The following ZNF440 variants were observed in gnomAD, a reference collection of about 807,000 sequenced individuals.
The protein encoded by ZNF440 is zinc finger protein 440.
Under a neutral mutation model 49.7 loss-of-function variants are expected in ZNF440, and 47 were observed. That is an observed-to-expected ratio of 0.95 (90% CI 0.75 to 1.21). The LOEUF is 1.21. ZNF440 is among the 50% of genes most tolerant of loss of function. The pLI is 0.00. For synonymous variants in ZNF440, 255 were observed against 237.7 expected, an observed-to-expected ratio of 1.07 and a Z score of -0.67; for missense variants, 703 against 715.0, an observed-to-expected ratio of 0.98 and a Z score of 0.19.
rs533621791 is a variant in ZNF440, at chr19:11,818,957, G to A, written c.3+4507G>A. On this transcript the variant is annotated intron_variant, in intron 1 of 3. Coordinates refer to ENST00000304060, the MANE Select transcript of ZNF440 (RefSeq NM_152357.3). ...CATTCCAGCTGAAGACAGTGTGATA[G>A]CCATGAAGTCTTTGTGTGAGAAAGT... Among the ~76,000 whole-genome samples, 15 of 152,234 alleles carry A rather than the reference G, an allele frequency of 9.9e-5. No homozygotes were observed. The East Asian group carries it at 2.7e-3, about 27-fold the overall frequency.
rs150155929 is a variant in ZNF440, at chr19:11,832,207, T to C, written c.1031T>C (p.Ile344Thr). 427 of 1,614,128 alleles carry C rather than the reference T, an allele frequency of 2.6e-4. No individual in the cohort carries two copies. The East Asian group carries it at 9.0e-3, about 34-fold the overall frequency. ...GGAGAAAGACCTTATGAATGTAAGA[T>C]ATGTGGAAAAGACTTTTGTTCTGTG... Reference protein sequence around the residue: ...HSGERPYECKICGKDFCSVNS... With the variant: ...HSGERPYECKTCGKDFCSVNS... Residue 344 changes from isoleucine to threonine, a missense_variant, in exon 4 of 4, where the codon ATA (isoleucine) becomes ACA (threonine). Transcript: ENST00000304060.
chr19:11,820,004 G>A (rs193236245), intron 1 of ZNF440, among the ~76,000 whole-genome samples: 1 of 152,278 alleles, frequency 6.6e-6, no homozygotes, highest in African/African-American at 2.4e-5. Context: ...ACCACAGCCT[G>A]ACTCTTCAAG....
At position 11,833,165 on chromosome 19, in the gene ZNF440, C is replaced by A; in HGVS notation, c.*201C>A. 1 of 1,299,454 alleles carries A rather than the reference C, an allele frequency of 7.7e-7. No homozygotes were observed. Among genetic ancestry groups the A allele is most frequent in the Admixed American group, 2.1e-5 (1 of 48,230 alleles). 80.5% of individuals were successfully genotyped at this position (1,299,454 alleles called of 1,614,324 possible). Reference sequence around the variant, plus strand: ...TGGAGAGAACCCCTATGAGTGTAAGCAATTTGGGAAAGCCTTCAGATCTGT... The same window carrying A: ...TGGAGAGAACCCCTATGAGTGTAAGAAATTTGGGAAAGCCTTCAGATCTGT... On this transcript the variant is annotated 3_prime_UTR_variant, in exon 4 of 4. Coordinates refer to ENST00000304060, the MANE Select transcript of ZNF440 (RefSeq NM_152357.3).
intron 1 of ZNF440, among the ~76,000 whole-genome samples, chr19:11,819,210 T>G (rs1384591819): frequency 1.3e-5 from 2 of 152,096 alleles, no homozygotes; most frequent in Non-Finnish European, 2.9e-5. Context: ...TCTTTCCTGT[T>G]TTCCCTCAGT....
intron 1 of ZNF440, 171 bp from the exon 2 acceptor site, chr19:11,830,112 G>T: frequency 7.3e-7 from 1 of 1,363,614 alleles, no homozygotes; most frequent in African/African-American, 1.5e-5. Flanking sequence ...AAAAAAACAA[G>T]TTGCTTTGTG....
At chr19:11,820,378 G>A (rs1321446946) in intron 1 of ZNF440, among the ~76,000 whole-genome samples, 2 of 152,022 alleles carry the variant, frequency 1.3e-5, no homozygotes, top group Non-Finnish European at 2.9e-5. Context: ...CACCACGCCC[G>A]GCTAATTTTT....
intron 1 of ZNF440, among the ~76,000 whole-genome samples, chr19:11,818,200 G>A (rs973785651): frequency 3.3e-5 from 5 of 151,670 alleles, no homozygotes; most frequent in African/African-American, 1.2e-4. Context: ...GTGAAACTCT[G>A]TCTCAAAAAA....
At chr19:11,814,667 G>C (rs532982625) in intron 1 of ZNF440, among the ~76,000 whole-genome samples, 123 of 152,298 alleles carry the variant, frequency 8.1e-4, no homozygotes, top group Admixed American at 3.1e-3. Flanking sequence ...GCCTAATCTG[G>C]GCAGCTCCGC....
Position 11,831,889 on chromosome 19 carries a change from G to A in ZNF440, c.713G>A (p.Ser238Asn). 1 of 1,613,918 alleles carries A rather than the reference G, an allele frequency of 6.2e-7. No homozygotes were observed. The highest frequency in any genetic ancestry group is 8.5e-7 in the Non-Finnish European group (1 of 1,179,928). The part of the protein sequence containing the change: ...CECKQCGKSF[S>N]YSATHRIHKR... Reference sequence around the variant, plus strand: ...TGTAAACAGTGTGGTAAATCCTTTAGTTATTCTGCTACCCATCGAATACAT... The same window carrying A: ...TGTAAACAGTGTGGTAAATCCTTTAATTATTCTGCTACCCATCGAATACAT... The change falls in exon 4 of 4, where the codon AGT becomes AAT. Residue 238 changes from serine to asparagine, a missense_variant. Transcript: ENST00000304060.
Position 11,832,866 on chromosome 19 carries a change from C to T in ZNF440, c.1690C>T (p.His564Tyr), listed in dbSNP as rs777437358. 29 of 1,612,494 alleles carry T rather than the reference C, an allele frequency of 1.8e-5. No individual in the cohort carries two copies. The highest frequency in any genetic ancestry group is 2.3e-5 in the Non-Finnish European group (27 of 1,178,886). The change falls in exon 4 of 4, where the codon CAC (histidine) becomes TAC (tyrosine). Residue 564 changes from histidine (H) to tyrosine (Y), a missense_variant. Physicochemically the swap from His to Tyr is moderately conservative, Grantham distance 83. Coordinates refer to ENST00000304060, the MANE Select transcript of ZNF440 (RefSeq NM_152357.3). ...CCACACCTTTGAATACGTGGTAGGA[C>T]ACACAATGGAGAGAAGCCCTATGCA... ...LPHTFEYVVG[H>Y]TMERSPMHVR...
intron 1 of ZNF440, 109 bp downstream of exon 1, chr19:11,814,559 C>T (rs1241071615): frequency 1.6e-6 from 2 of 1,248,084 alleles, no homozygotes; most frequent in East Asian, 3.1e-5. Context: ...GGGTCGTGGA[C>T]GCGAGTCCCC....
At chr19:11,819,474 C>G (rs914770597) in intron 1 of ZNF440, among the ~76,000 whole-genome samples, 2 of 152,202 alleles carry the variant, frequency 1.3e-5, no homozygotes, top group African/African-American at 4.8e-5. Flanking sequence ...TCTGGGCCCA[C>G]CGCAGCCTCT....
intron 1 of ZNF440, chr19:11,816,903 T>A (rs559653847): frequency 6.6e-6 from 1 of 152,398 alleles, no homozygotes; most frequent in Admixed American, 6.5e-5. Flanking sequence ...AATGCTGGGA[T>A]TACATGTGTG....
At position 11,833,951 on chromosome 19, in the gene ZNF440, G is replaced by A; in HGVS notation, c.*987G>A. On this transcript the variant is annotated 3_prime_UTR_variant, in exon 4 of 4. Transcript: ENST00000304060. ...AAATGATATTCTTTTTAAATAAGAA[G>A]CTATAATATCCCATTGGTGTCATGT... is the stretch of plus-strand genomic sequence containing the variant. 1 of 287,160 alleles carries A rather than the reference G, an allele frequency of 3.5e-6. No homozygotes were observed. The highest frequency in any genetic ancestry group is 6.8e-6 in the Non-Finnish European group (1 of 147,560). 17.8% of individuals were successfully genotyped at this position (287,160 alleles called of 1,614,324 possible). A position where few individuals can be genotyped will look rare whatever the true frequency, so the allele number is the denominator to read the frequency against.
intron 1 of ZNF440, among the ~76,000 whole-genome samples, chr19:11,818,396 G>C (rs2145116458): frequency 6.6e-6 from 1 of 152,210 alleles, no homozygotes; most frequent in South Asian, 2.1e-4. Context: ...AGTGTTTCTT[G>C]TTAGTCTCAA....
In ZNF440 at chr19:11,830,274, A is replaced by G. The variant is rs777620491; in HGVS notation, c.4-9A>G. On this transcript the variant is annotated splice_polypyrimidine_tract_variant and intron_variant, in intron 1 of 3. Coordinates refer to ENST00000304060, the MANE Select transcript of ZNF440 (RefSeq NM_152357.3). ...ACCCATCTTCTTCTACACATGTGAG[A>G]TGTTTCAGGACCCAGTGGCTTTTAA... 8 of 1,614,126 alleles carry G rather than the reference A, an allele frequency of 5.0e-6. No homozygotes were observed. The highest frequency in any genetic ancestry group is 4.4e-5 in the South Asian group (4 of 91,080).
At chr19:11,825,939 C>G (rs1975860172) in intron 1 of ZNF440, among the ~76,000 whole-genome samples, 1 of 151,874 alleles carries the variant, frequency 6.6e-6, no homozygotes, top group South Asian at 2.1e-4. Context: ...CCTCTGCCTC[C>G]CGAGTAGCTG....
At chr19:11,818,738 A>G (rs562202472) in intron 1 of ZNF440, among the ~76,000 whole-genome samples, 7 of 151,992 alleles carry the variant, frequency 4.6e-5, no homozygotes, top group Non-Finnish European at 1.0e-4. Context: ...TGGGGTCCCA[A>G]TACATTGCTC....
At chr19:11,828,687 CTT>C (rs201282862) in intron 1 of ZNF440, among the ~76,000 whole-genome samples, 49 of 138,398 alleles carry the variant, frequency 3.5e-4, no homozygotes, top group Non-Finnish European at 3.5e-4. Flanking sequence ...TTTTCTTTTT[CTT>C]TTTTTTTTTT....
Sources: gnomAD v4.1 joint callset for allele counts (sites outside exome capture counted in the v4.1 genomes callset) on GRCh38, gnomAD v4.1.1 for gene constraint, MANE v1.5 for transcripts, NCBI Gene and HGNC (gene_info 2026-07-23, HGNC 2026-07-21) for gene names.